UXT: variants seen among roughly 807,000 people sequenced by gnomAD.
The protein encoded by UXT is protein UXT.
For synonymous variants in UXT, 54 were observed against 52.8 expected (o/e 1.02, Z -0.10); for missense variants, 111 against 132.7 (o/e 0.84, Z 0.80).
chrX:47,654,735 G>A (rs955416955), intron 4 of UXT, among the ~76,000 whole-genome samples: 19 of 111,825 alleles, frequency 1.7e-4, no homozygotes, highest in African/African-American at 4.9e-4. Flanking sequence ...CAGCTACATA[G>A]ACTCAAATCT....
At chrX:47,652,311 T>C (rs187469435) in intron 4 of UXT, among the ~76,000 whole-genome samples, 167 bp from the exon 6 acceptor site, 2 of 112,541 alleles carry the variant, frequency 1.8e-5, no homozygotes, top group Non-Finnish European at 3.7e-5. Flanking sequence ...GATTATTAAA[T>C]GCCTACTGTA....
At chrX:47,657,463 A>G (rs1015370149) in intron 3 of UXT, 109 bp downstream of exon 4, 7 of 894,594 alleles carry the variant, frequency 7.8e-6, no homozygotes, top group Non-Finnish European at 1.1e-5. Context: ...CTGGGATATA[A>G]AACCTCGCAT....
chrX:47,656,421 C>A (rs1311491405), intron 4 of UXT, among the ~76,000 whole-genome samples: 1 of 111,885 alleles, frequency 8.9e-6, no homozygotes, highest in Non-Finnish European at 1.9e-5. Context: ...CCAAATCTCC[C>A]CCTTTGTAAA....
At chrX:47,652,322 T>C (rs1292069649) in intron 4 of UXT, among the ~76,000 whole-genome samples, 178 bp from the exon 6 acceptor site, 2 of 112,373 alleles carry the variant, frequency 1.8e-5, no homozygotes, top group African/African-American at 6.5e-5. Flanking sequence ...GCCTACTGTA[T>C]GCCAGGCAAT....
intron 1 of UXT, among the ~76,000 whole-genome samples, chrX:47,658,377 T>G (rs766675389): frequency 3.8e-4 from 43 of 111,936 alleles, no homozygotes; most frequent in African/African-American, 1.1e-3. Context: ...TTCATACTCA[T>G]TGAACCTCTA....
chrX:47,658,334 T>C lies in UXT; in HGVS notation c.135-471A>G, dbSNP rs1299933083. ...GCCTAGTTCTGAACACCTTATTTCC[T>C]GCTTAGATTAACAAAGATTGCAATA... On this transcript the variant is annotated intron_variant, in intron 1 of 5. Transcript: ENST00000335890. Among the ~76,000 whole-genome samples, 7 of 111,860 alleles carry C rather than the reference T, an allele frequency of 6.3e-5. No individual in the cohort carries two copies. The Admixed American group carries it at 6.6e-4, about 11-fold the overall frequency.
At chrX:47,655,738 C>G (rs2058081463) in intron 4 of UXT, among the ~76,000 whole-genome samples, 1 of 111,638 alleles carries the variant, frequency 9.0e-6, no homozygotes, top group South Asian at 3.8e-4. Context: ...CTTTGTCACT[C>G]AGTCAAATGA....
Position 47,657,924 on chromosome X carries a change from A to C in UXT, c.135-61T>G, listed in dbSNP as rs1169377662. The C allele has an allele frequency of 1.3e-5, 12 of 919,543 alleles. No individual in the cohort carries two copies. In the East Asian group the frequency reaches 3.9e-4, roughly 30 times the overall value. 75.8% of individuals were successfully genotyped at this position (919,543 alleles called of 1,213,427 possible). On this transcript the variant is annotated intron_variant, in intron 1 of 5. Transcript: ENST00000335890. ...AGCCCCATTCCTCCTAGTATACCTC[A>C]TATCATGACCCTCTGAGACTCTCAT...
rs772917393 is a variant in UXT, at chrX:47,658,810, C to T, written c.134+20G>A. ...CACGTGGAATGTTCCAAACGCCCCG[C>T]CCCCCGCACTGTCACTCACCGCAAG... On this transcript the variant is annotated intron_variant, in intron 1 of 5. Coordinates refer to ENST00000335890, the MANE Select transcript of UXT (RefSeq NM_153477.3). The T allele has an allele frequency of 4.4e-6, 5 of 1,131,761 alleles. No homozygotes were observed. Among genetic ancestry groups the T allele is most frequent in the Non-Finnish European group, 5.8e-6 (5 of 856,681 alleles). The allele number at this position is 1,131,761 out of a possible 1,213,427, so 93.3% of individuals were successfully genotyped here.
At chrX:47,652,190 A>G in intron 4 of UXT, 46 bp from the exon 6 acceptor site, 2 of 1,074,369 alleles carry the variant, frequency 1.9e-6, no homozygotes, top group Non-Finnish European at 2.6e-6. Context: ...CCACATGATT[A>G]TGATGACCCT....
At chrX:47,657,716 C>T (rs1194842031) in intron 2 of UXT, 66 bp downstream of exon 3, 4 of 1,185,740 alleles carry the variant, frequency 3.4e-6, no homozygotes, top group Non-Finnish European at 3.4e-6. Flanking sequence ...TCTGGAGTCT[C>T]TCTTCCCATT....
At chrX:47,652,228 T>C in intron 4 of UXT, 84 bp from the exon 6 acceptor site, 3 of 901,111 alleles carry the variant, frequency 3.3e-6, no homozygotes, top group Non-Finnish European at 4.7e-6. Flanking sequence ...TCTACTTATA[T>C]CCTGGATGAT....
At chrX:47,657,363 C>T in intron 3 of UXT, 73 bp from the exon 5 acceptor site, 3 of 934,179 alleles carry the variant, frequency 3.2e-6, no homozygotes, top group Non-Finnish European at 4.5e-6. Flanking sequence ...GTTTTGCTCC[C>T]CACCCTTCCC....
rs1436867685 is a variant in UXT, at chrX:47,658,813, C to T, written c.134+17G>A. The T allele has an allele frequency of 8.8e-7, 1 of 1,133,215 alleles. No homozygotes were observed. Among genetic ancestry groups the T allele is most frequent in the African/African-American group, 1.8e-5 (1 of 54,500 alleles). 93.4% of individuals were successfully genotyped at this position (1,133,215 alleles called of 1,213,427 possible). A position where few individuals can be genotyped will look rare whatever the true frequency, so the allele number is the denominator to read the frequency against. On this transcript the variant is annotated intron_variant, in intron 1 of 5. Coordinates refer to ENST00000335890, the MANE Select transcript of UXT (RefSeq NM_153477.3). ...GTGGAATGTTCCAAACGCCCCGCCC[C>T]CCGCACTGTCACTCACCGCAAGTCC... is the stretch of plus-strand genomic sequence containing the variant.
At chrX:47,652,217 A>T in intron 4 of UXT, 73 bp from the exon 6 acceptor site, 9 of 946,191 alleles carry the variant, frequency 9.5e-6, no homozygotes, top group Non-Finnish European at 1.3e-5. Flanking sequence ...TCACTTCAAG[A>T]TCTACTTATA....
Position 47,651,826 on chromosome X carries a change from G to C in UXT, c.*16C>G. ...GGCATTCAGGCTCTTTAATGTCTGA[G>C]GATGGGGGGAAGAAGTCAATGGTGA... On this transcript the variant is annotated 3_prime_UTR_variant, in exon 6 of 6. Coordinates refer to ENST00000335890, the MANE Select transcript of UXT (RefSeq NM_153477.3). 1 of 1,209,698 alleles carries C rather than the reference G, an allele frequency of 8.3e-7. No homozygotes were observed. The highest frequency in any genetic ancestry group is 1.1e-6 in the Non-Finnish European group (1 of 894,029).
rs1569343103 is a variant in UXT, at chrX:47,657,722, C to G, written c.216+60G>C. 3.4e-6 allele frequency: 4 copies of G among 1,179,577 alleles called. No individual in the cohort carries two copies. The African/African-American group carries it at 7.1e-5, about 21-fold the overall frequency. On this transcript the variant is annotated intron_variant, in intron 2 of 5. Transcript: ENST00000335890. ...AGGGTTGGGTCTGGAGTCTCTCTTC[C>G]CATTTCCCTCCCTTGCCCACACATA...
Position 47,656,267 on chromosome X carries a change from T to C in UXT, c.392+916A>G, listed in dbSNP as rs73481362. Reference sequence around the variant, plus strand: ...TTGCTTGAGCCCAGGAGTTTGAGGATGTAGTATGCTATGATCGCAGCTGTA... The same window carrying C: ...TTGCTTGAGCCCAGGAGTTTGAGGACGTAGTATGCTATGATCGCAGCTGTA... On this transcript the variant is annotated intron_variant, in intron 4 of 5. Transcript: ENST00000335890. Among the ~76,000 whole-genome samples the C allele has an allele frequency of 4.6e-3, 520 of 111,870 alleles. 3 individuals are homozygous for C. Among genetic ancestry groups the C allele is most frequent in the African/African-American group, 0.016 (502 of 30,751 alleles).
chrX:47,657,409 T>C (rs921492050), intron 3 of UXT, 119 bp from the exon 5 acceptor site: 28 of 823,153 alleles, frequency 3.4e-5, no homozygotes, highest in Admixed American at 3.0e-4. Context: ...GATTTTGTCC[T>C]ATTTTATTCA....
Sources: allele counts gnomAD v4.1 joint callset (sites outside exome capture counted in the v4.1 genomes callset), GRCh38; gene constraint gnomAD v4.1.1; transcripts MANE v1.5; gene names NCBI Gene and HGNC (gene_info 2026-07-23, HGNC 2026-07-21).